The following SLC4A4 variants were observed in gnomAD, a reference collection of about 807,000 sequenced individuals.
SLC4A4 encodes solute carrier family 4 member 4, also known as electrogenic sodium bicarbonate cotransporter 1.
Under a neutral mutation model 111.5 loss-of-function variants are expected in SLC4A4, and 27 were observed. The ratio of observed to expected loss-of-function variants is 0.24; its 90% CI spans 0.18 to 0.33. SLC4A4 has a LOEUF of 0.33. Among genes scored for constraint, SLC4A4 ranks in the 10% least tolerant of loss-of-function variants. The pLI, the probability that SLC4A4 is intolerant of heterozygous loss-of-function variation, is 1.00. For missense variants in SLC4A4, 909 were observed against 1,315.5 expected (o/e 0.69, Z 4.78); for synonymous variants, 443 against 463.4 (o/e 0.96, Z 0.57).
At chr4:71,316,896 T>G (rs1726729654) in intron 3 of SLC4A4, among the ~76,000 whole-genome samples, 1 of 151,982 alleles carries the variant, frequency 6.6e-6, no homozygotes, top group South Asian at 2.1e-4. Flanking sequence ...ATTCTATGAA[T>G]TTTTTTAAAG....
intron 2 of SLC4A4, among the ~76,000 whole-genome samples, chr4:71,123,300 AACCATT>A (rs1191756792): frequency 3.3e-5 from 5 of 152,190 alleles, no homozygotes; most frequent in African/African-American, 1.2e-4. Flanking sequence ...AAAGGCATAT[AACCATT>A]ACATTGTAAT....
At chr4:71,082,237 T>G (rs1742012910) in intron 1 of SLC4A4, among the ~76,000 whole-genome samples, 2 of 152,068 alleles carry the variant, frequency 1.3e-5, no homozygotes, top group Admixed American at 6.5e-5. Context: ...TCTGCTTAAC[T>G]TGGATGTATC....
At chr4:71,527,608 G>T (rs1410000686) in intron 16 of SLC4A4, among the ~76,000 whole-genome samples, 32 of 151,944 alleles carry the variant, frequency 2.1e-4, no homozygotes, top group Non-Finnish European at 2.9e-5. Context: ...CTCCACCAGG[G>T]CCAGAGGTAT....
intron 7 of SLC4A4, chr4:71,437,346 A>G (rs528783791): frequency 5.8e-6 from 2 of 346,918 alleles, no homozygotes; most frequent in South Asian, 2.8e-5. Flanking sequence ...TCCAGAATAC[A>G]TAAGTTACAA....
intron 2 of SLC4A4, among the ~76,000 whole-genome samples, chr4:71,128,154 C>G (rs1031356060): frequency 6.6e-6 from 1 of 152,182 alleles, no homozygotes; most frequent in Non-Finnish European, 1.5e-5. Context: ...AGGTTTAATC[C>G]ACTCACAGTT....
chr4:71,264,027 T>C lies in SLC4A4; in HGVS notation c.253+8628T>C, dbSNP rs1194373575. ...AGAGGTTACTTATGGCAGTGATATTTGTTAATTACTGAATGTGTCACTGAG... is the reference window on the plus strand; with the variant it reads ...AGAGGTTACTTATGGCAGTGATATTCGTTAATTACTGAATGTGTCACTGAG... On this transcript the variant is annotated intron_variant, in intron 3 of 25. Coordinates refer to ENST00000264485, the MANE Select transcript of SLC4A4 (RefSeq NM_001098484.3). 2.0e-5 allele frequency among the ~76,000 whole-genome samples: 3 copies of C among 152,178 alleles called. No individual in the cohort carries two copies. In the East Asian group the frequency reaches 5.8e-4, roughly 29 times the overall value.
At chr4:71,494,662 G>A (rs1280095694) in intron 15 of SLC4A4, among the ~76,000 whole-genome samples, 1 of 151,914 alleles carries the variant, frequency 6.6e-6, no homozygotes, top group East Asian at 1.9e-4. Context: ...AGTATGTATA[G>A]AATTTTGCAT....
chr4:71,557,116 C>T (rs1736544641), intron 21 of SLC4A4, among the ~76,000 whole-genome samples: 1 of 151,934 alleles, frequency 6.6e-6, no homozygotes, highest in African/African-American at 2.4e-5. Context: ...CTGTAGTATT[C>T]ATATGGCTTT....
chr4:71,494,380 C>A (rs1323112580), intron 15 of SLC4A4, among the ~76,000 whole-genome samples: 4 of 151,982 alleles, frequency 2.6e-5, no homozygotes, highest in Non-Finnish European at 4.4e-5. Context: ...GCGGCACAAT[C>A]ATAGCTCACT....
At chr4:71,373,287 T>C (rs1343169068) in intron 6 of SLC4A4, among the ~76,000 whole-genome samples, 1 of 152,194 alleles carries the variant, frequency 6.6e-6, no homozygotes, top group African/African-American at 2.4e-5. Flanking sequence ...GGCAGACTGG[T>C]TTGTCTACAG....
At chr4:71,502,065 G>A (rs1001685281) in intron 16 of SLC4A4, among the ~76,000 whole-genome samples, 1 of 152,172 alleles carries the variant, frequency 6.6e-6, no homozygotes, top group Non-Finnish European at 1.5e-5. Flanking sequence ...GGGTTCAAGG[G>A]ATTCTTGTGC....
chr4:71,539,026 T>C (rs1397482746), intron 18 of SLC4A4, among the ~76,000 whole-genome samples: 3 of 152,100 alleles, frequency 2.0e-5, no homozygotes, highest in African/African-American at 4.8e-5. Context: ...AGAAATAATT[T>C]AGGATAGATA....
intron 16 of SLC4A4, among the ~76,000 whole-genome samples, chr4:71,526,933 C>A (rs960979280): frequency 1.7e-4 from 26 of 152,090 alleles, no homozygotes; most frequent in African/African-American, 4.8e-4. Flanking sequence ...GACACTGATT[C>A]TCCTGCCTCC....
intron 2 of SLC4A4, among the ~76,000 whole-genome samples, chr4:71,111,366 A>G (rs77409636): frequency 0.013 from 1,954 of 151,640 alleles, 46 homozygotes; most frequent in African/African-American, 0.044. Flanking sequence ...CTTAATCTCT[A>G]TTTATTTATT....
intron 16 of SLC4A4, among the ~76,000 whole-genome samples, chr4:71,528,027 C>G (rs928485378): frequency 1.3e-5 from 2 of 152,052 alleles, no homozygotes; most frequent in Non-Finnish European, 2.9e-5. Flanking sequence ...AAGTAGGATG[C>G]AAGTCAGGTC....
chr4:71,497,665 C>A lies in SLC4A4; in HGVS notation c.2139C>A (p.Phe713Leu). 1 of 1,613,380 alleles carries A rather than the reference C, an allele frequency of 6.2e-7. No homozygotes were observed. The highest frequency in any genetic ancestry group is 1.7e-4 in the Middle Eastern group (1 of 6,058). The change falls in exon 16 of 26, where the codon TTC (phenylalanine) becomes TTA (leucine). Residue 713 changes from phenylalanine to leucine, a missense_variant. Physicochemically the swap from Phe to Leu is conservative, Grantham distance 22 (BLOSUM62 0). Coordinates refer to ENST00000264485, the MANE Select transcript of SLC4A4 (RefSeq NM_001098484.3). Reference protein sequence around the residue: ...TYTSSMALKKFKTSPYFPTTA... With the variant: ...TYTSSMALKKLKTSPYFPTTA... ...CCTCTTCCATGGCTCTGAAAAAATT[C>A]AAAACTAGTCCTTATTTTCCAACCA...
chr4:71,159,386 CTTAT>C (rs1469048244), intron 2 of SLC4A4, among the ~76,000 whole-genome samples: 2 of 151,044 alleles, frequency 1.3e-5, no homozygotes, highest in Non-Finnish European at 3.0e-5. Flanking sequence ...AAATTTTTGT[CTTAT>C]TGAGACAGAA....
At chr4:71,551,557 A>T (rs1001545975) in intron 20 of SLC4A4, among the ~76,000 whole-genome samples, 2 of 151,912 alleles carry the variant, frequency 1.3e-5, no homozygotes, top group African/African-American at 4.8e-5. Context: ...AAATTTATTA[A>T]TGACTTACCA....
intron 13 of SLC4A4, among the ~76,000 whole-genome samples, chr4:71,469,043 T>A (rs1302931359): frequency 6.6e-6 from 1 of 152,006 alleles, no homozygotes; most frequent in East Asian, 1.9e-4. Context: ...TATGCTGCCA[T>A]CTCTTAAAAT....
Sources: gnomAD v4.1 joint callset for allele counts (sites outside exome capture counted in the v4.1 genomes callset) on GRCh38, gnomAD v4.1.1 for gene constraint, MANE v1.5 for transcripts, NCBI Gene and HGNC (gene_info 2026-07-23, HGNC 2026-07-21) for gene names.